Variants in PRKN observed in about 807,000 individuals in gnomAD.
PRKN encodes E3 ubiquitin-protein ligase parkin.
A neutral mutation model predicts 59.5 loss-of-function variants in PRKN; 56 were observed. The observed-to-expected ratio is 0.94, with a 90% CI of 0.76 to 1.18. PRKN has a LOEUF of 1.18. PRKN is among the 50% of genes most tolerant of loss of function. The probability of loss-of-function intolerance (pLI) is 0.00; values close to 1 mark genes in which losing one functional copy is unlikely to be tolerated. For missense variants in PRKN, 657 were observed against 596.4 expected (o/e 1.10, Z -1.06); for synonymous variants, 250 against 222.1 (o/e 1.13, Z -1.12).
chr6:161,902,518 A>C (rs887679102), intron 6 of PRKN, among the ~76,000 whole-genome samples: 2 of 137,592 alleles, frequency 1.5e-5, no homozygotes, highest in African/African-American at 5.6e-5. Flanking sequence ...AATGTAATAG[A>C]CATCCGTCTA....
intron 1 of PRKN, among the ~76,000 whole-genome samples, chr6:162,722,444 T>C (rs1778972575): frequency 1.3e-5 from 2 of 152,166 alleles, no homozygotes; most frequent in South Asian, 4.1e-4. Flanking sequence ...TGAGTCTCTT[T>C]AATATTACAA....
At chr6:161,760,323 C>A (rs184305060) in intron 7 of PRKN, among the ~76,000 whole-genome samples, 2 of 147,976 alleles carry the variant, frequency 1.4e-5, no homozygotes, top group East Asian at 4.0e-4. Flanking sequence ...GTATCTGCGT[C>A]CTGGAATTGG....
At chr6:162,588,102 C>T (rs1246040513) in intron 1 of PRKN, among the ~76,000 whole-genome samples, 16 of 151,290 alleles carry the variant, frequency 1.1e-4, no homozygotes, top group African/African-American at 3.4e-4. Context: ...CCTCCGCTTC[C>T]TGGGTTCAAG....
At chr6:161,568,525 G>A (rs539515124) in intron 8 of PRKN, among the ~76,000 whole-genome samples, 17 of 152,262 alleles carry the variant, frequency 1.1e-4, no homozygotes, top group East Asian at 5.8e-4. Flanking sequence ...CCTGGGAGGC[G>A]GAGCTTGCAG....
chr6:162,469,617 A>G (rs1791625828), intron 1 of PRKN, among the ~76,000 whole-genome samples: 1 of 152,126 alleles, frequency 6.6e-6, no homozygotes, highest in African/African-American at 2.4e-5. Context: ...TTCTAAGTGA[A>G]GTAACTCAGG....
chr6:162,366,483 T>A (rs1785443674), intron 2 of PRKN, among the ~76,000 whole-genome samples: 1 of 152,198 alleles, frequency 6.6e-6, no homozygotes. Flanking sequence ...TTTTCAAAAA[T>A]AAACACAGAA....
chr6:161,815,395 T>C (rs1583199897), intron 6 of PRKN, among the ~76,000 whole-genome samples: 1 of 152,238 alleles, frequency 6.6e-6, no homozygotes, highest in Non-Finnish European at 1.5e-5. Context: ...CATTCTTTTG[T>C]GGGCTGATTA....
chr6:162,229,028 A>T (rs1319951254), intron 3 of PRKN, among the ~76,000 whole-genome samples: 1 of 152,190 alleles, frequency 6.6e-6, no homozygotes, highest in African/African-American at 2.4e-5. Flanking sequence ...TTTTCTATCC[A>T]AACTCGCTGC....
At chr6:162,316,285 T>G (rs1341260228) in intron 2 of PRKN, among the ~76,000 whole-genome samples, 1 of 151,482 alleles carries the variant, frequency 6.6e-6, no homozygotes, top group Non-Finnish European at 1.5e-5. Flanking sequence ...TGTGATAGAG[T>G]CCCAGTCATG....
chr6:161,523,207 G>C (rs778962816), intron 9 of PRKN, among the ~76,000 whole-genome samples: 34 of 152,056 alleles, frequency 2.2e-4, no homozygotes, highest in Non-Finnish European at 3.8e-4. Context: ...TAATATTTTT[G>C]ATAGGAATTC....
At position 161,468,960 on chromosome 6, in the gene PRKN, A is replaced by T. The variant is rs956078037; in HGVS notation, c.1083+79894T>A. 1.4e-4 allele frequency among the ~76,000 whole-genome samples: 21 copies of T among 152,272 alleles called. No individual in the cohort carries two copies. The highest frequency in any genetic ancestry group is 7.7e-4 in the East Asian group (4 of 5,180). On this transcript the variant is annotated intron_variant, in intron 9 of 11. Transcript: ENST00000366898. This position sits in a 1 kb window ranked among gnomAD's most constrained non-coding sequence, Gnocchi z 5.9. Reference sequence around the variant, plus strand: ...CTACTTTAAAACCCAGCAGTACACAAATGGGCGCTCCCTACAGGCCAAGTA... The same window carrying T: ...CTACTTTAAAACCCAGCAGTACACATATGGGCGCTCCCTACAGGCCAAGTA...
chr6:161,441,316 T>C (rs1789208888), intron 9 of PRKN, among the ~76,000 whole-genome samples: 1 of 152,134 alleles, frequency 6.6e-6, no homozygotes, highest in Non-Finnish European at 1.5e-5. Flanking sequence ...GTTCACATAC[T>C]TACTAATTTT....
chr6:162,700,746 T>C (rs150756590), intron 1 of PRKN, among the ~76,000 whole-genome samples: 3 of 152,186 alleles, frequency 2.0e-5, no homozygotes, highest in Admixed American at 1.3e-4. Flanking sequence ...CTCAACATCA[T>C]ATGCTTATAT....
chr6:161,611,493 C>G (rs1582888763), intron 7 of PRKN, among the ~76,000 whole-genome samples: 1 of 152,164 alleles, frequency 6.6e-6, no homozygotes, highest in Non-Finnish European at 1.5e-5. Context: ...TTGTCATCAT[C>G]ATATTTGTTA....
chr6:161,742,546 G>A (rs1788233004), intron 7 of PRKN, among the ~76,000 whole-genome samples: 1 of 152,118 alleles, frequency 6.6e-6, no homozygotes, highest in Admixed American at 6.6e-5. Context: ...CACCTCCAGG[G>A]TCTTCCCATG....
At chr6:161,542,026 G>T (rs1375385676) in intron 9 of PRKN, among the ~76,000 whole-genome samples, 2 of 152,162 alleles carry the variant, frequency 1.3e-5, no homozygotes, top group Non-Finnish European at 2.9e-5. Context: ...CTCGGTAACA[G>T]CAAGACCAAC....
At chr6:162,320,362 C>CAAAAAAAAAAAAAAAAAAACAA (rs1782944309) in intron 2 of PRKN, among the ~76,000 whole-genome samples, 1 of 7,286 alleles carries the variant, frequency 1.4e-4, no homozygotes, top group Non-Finnish European at 2.5e-4. Flanking sequence ...TACAAAAAGC[C>CAAAAAAAAAAAAAAAAAAACAA]AAAAAAAAAA....
intron 6 of PRKN, among the ~76,000 whole-genome samples, chr6:161,819,811 C>G (rs761261482): frequency 1.3e-5 from 2 of 152,106 alleles, no homozygotes; most frequent in Non-Finnish European, 2.9e-5. Flanking sequence ...CACTGAAGTC[C>G]AATCACTAAG....
chr6:162,696,501 C>T (rs1339484608), intron 1 of PRKN, among the ~76,000 whole-genome samples: 3 of 149,880 alleles, frequency 2.0e-5, no homozygotes, highest in African/African-American at 7.4e-5. Flanking sequence ...AAATTAGATA[C>T]TGGATTCGAT....
Sources: allele counts gnomAD v4.1 joint callset (sites outside exome capture counted in the v4.1 genomes callset), GRCh38; gene constraint gnomAD v4.1.1; non-coding constraint Gnocchi (gnomAD v3.1); transcripts MANE v1.5; gene names NCBI Gene and HGNC (gene_info 2026-07-23, HGNC 2026-07-21).